The following USP43 variants were observed in gnomAD, a reference collection of about 807,000 sequenced individuals.
USP43 encodes the protein ubiquitin specific peptidase 43.
Under a neutral mutation model 90.7 loss-of-function variants are expected in USP43, and 33 were observed. The observed-to-expected ratio is 0.36, with a 90% CI of 0.28 to 0.49. The LOEUF is 0.49. Among genes scored for constraint, USP43 ranks in the 20% least tolerant of loss-of-function variants. The pLI is 0.98. For missense variants in USP43, 1,274 were observed against 1,476.4 expected (o/e 0.86, Z 2.25); for synonymous variants, 598 against 615.8 (o/e 0.97, Z 0.43).
At chr17:9,653,202 AC>A (rs377611921) in intron 1 of USP43, among the ~76,000 whole-genome samples, 30 of 152,348 alleles carry the variant, frequency 2.0e-4, no homozygotes, top group African/African-American at 7.2e-4. Context: ...GTTGTCAGGT[AC>A]TATAGCCAGG....
Position 9,701,826 on chromosome 17 carries a change from G to A in USP43, c.2011+126G>A, listed in dbSNP as rs191138903. ...ATTGAGATCCGACCCCTCACCCACC[G>A]CACACCAGGAAGATGAGGATGAGGA... On this transcript the variant is annotated intron_variant, in intron 12 of 14. Coordinates refer to ENST00000285199, the MANE Select transcript of USP43 (RefSeq NM_153210.5). The surrounding 1 kb of genome is among the most constrained non-coding windows in gnomAD (Gnocchi z 7.2). The A allele has an allele frequency of 7.3e-5, 57 of 781,108 alleles. No individual in the cohort carries two copies. The East Asian group carries it at 1.2e-3, about 16-fold the overall frequency. The allele number at this position is 781,108 out of a possible 1,614,324, so 48.4% of individuals were successfully genotyped here.
chr17:9,728,263 C>T lies in USP43; in HGVS notation c.2645C>T (p.Ala882Val), dbSNP rs536235405. The part of the protein sequence containing the change: ...LPANSEDGGR[A>V]IERGPAGVPC... Reference sequence around the variant, plus strand: ...GCTAACAGCGAAGATGGTGGGCGGGCCATTGAAAGAGGTCCAGCCGGGGTG... The same window carrying T: ...GCTAACAGCGAAGATGGTGGGCGGGTCATTGAAAGAGGTCCAGCCGGGGTG... The change falls in exon 15 of 15, where the codon GCC (alanine) becomes GTC (valine). Residue 882 changes from alanine (A) to valine (V), a missense_variant. Ala to Val is a moderately conservative substitution (Grantham distance 64). Transcript: ENST00000285199. The surrounding 1 kb of genome is among the most constrained non-coding windows in gnomAD (Gnocchi z 6.2). 1 of 1,613,578 alleles carries T rather than the reference C, an allele frequency of 6.2e-7. No individual in the cohort carries two copies. Among genetic ancestry groups the T allele is most frequent in the East Asian group, 2.2e-5 (1 of 44,850 alleles).
chr17:9,715,146 C>A (rs2151996958), intron 14 of USP43, among the ~76,000 whole-genome samples: 1 of 152,318 alleles, frequency 6.6e-6, no homozygotes, highest in East Asian at 1.9e-4. Context: ...GTGCTGGGAA[C>A]AAGGGGGTAA....
At chr17:9,722,050 A>G (rs1916989426) in intron 14 of USP43, among the ~76,000 whole-genome samples, 1 of 152,070 alleles carries the variant, frequency 6.6e-6, no homozygotes, top group Admixed American at 6.6e-5. Context: ...TGTACCTTTA[A>G]TCAAGTAATC....
chr17:9,726,016 T>G (rs1414168915), intron 14 of USP43, among the ~76,000 whole-genome samples: 1 of 152,102 alleles, frequency 6.6e-6, no homozygotes, highest in Non-Finnish European at 1.5e-5. Flanking sequence ...TGGGTAAAAT[T>G]GTGTCTATGA....
chr17:9,680,866 A>G (rs896399259), intron 6 of USP43, among the ~76,000 whole-genome samples: 5 of 151,424 alleles, frequency 3.3e-5, no homozygotes, highest in African/African-American at 1.2e-4. Context: ...TTAACAAAAT[A>G]GTTCCACTTC....
At chr17:9,692,328 C>T (rs1915008016) in intron 8 of USP43, among the ~76,000 whole-genome samples, 1 of 152,124 alleles carries the variant, frequency 6.6e-6, no homozygotes, top group African/African-American at 2.4e-5. Flanking sequence ...CACTGCACTC[C>T]AGCCTGGGCG....
Position 9,681,476 on chromosome 17 carries a change from A to T in USP43, c.1105+1110A>T, listed in dbSNP as rs1444511264. Among the ~76,000 whole-genome samples the T allele has an allele frequency of 6.4e-3, 132 of 20,720 alleles. 7 individuals carry two copies. In the East Asian group the frequency reaches 0.27, roughly 42 times the overall value. The allele number at this position is 20,720 out of a possible 152,430, so 13.6% of individuals were successfully genotyped here. On this transcript the variant is annotated intron_variant, in intron 6 of 14. Transcript: ENST00000285199. ...TATAAAATATATTATATATATATAT[A>T]TATATATATATATATATATATATAT...
At chr17:9,716,724 A>G (rs1257392987) in intron 14 of USP43, among the ~76,000 whole-genome samples, 4 of 152,184 alleles carry the variant, frequency 2.6e-5, no homozygotes, top group Admixed American at 2.0e-4. Flanking sequence ...CTGAGTTGTT[A>G]CAGATTTATG....
intron 14 of USP43, among the ~76,000 whole-genome samples, chr17:9,723,523 TTCCCCTCCCCTCCCCTCCCC>T (rs558374313): frequency 0.045 from 3,307 of 74,070 alleles, 225 homozygotes; most frequent in East Asian, 0.26. Context: ...TTCCTTTCCC[TTCCCCTCCCCTCCCCTCCCC>T]TCCCCTCCCC....
chr17:9,662,312 G>T (rs1256906035), intron 2 of USP43, among the ~76,000 whole-genome samples: 2 of 152,166 alleles, frequency 1.3e-5, no homozygotes, highest in African/African-American at 2.4e-5. Flanking sequence ...GGTCCGCTAT[G>T]CATCCAAGTT....
rs200100773 is a variant in USP43 at position 9,701,672 on chromosome 17, T to C, written c.1983T>C (p.His661=). The change falls in exon 12 of 15, where the codon CAT becomes CAC. Residue 661 remains histidine (H), a synonymous_variant. Transcript: ENST00000285199. The surrounding 1 kb of genome is among the most constrained non-coding windows in gnomAD (Gnocchi z 7.2). The part of the protein sequence containing the change: ...LYDLYAVCNH[H]GNLQGGHYTA... ...ACCTGTATGCCGTCTGCAACCACCA[T>C]GGCAACCTGCAAGGTGGGCATTACA... 1,618 of 1,576,458 alleles carry C rather than the reference T, an allele frequency of 1.0e-3. 2 individuals are homozygous for C. The highest frequency in any genetic ancestry group is 1.1e-3 in the Non-Finnish European group (1,276 of 1,160,688).
chr17:9,646,403 C>CATTTGTTGA (rs1296588643), intron 1 of USP43, among the ~76,000 whole-genome samples: 2 of 152,134 alleles, frequency 1.3e-5, no homozygotes, highest in African/African-American at 4.8e-5. Context: ...ATTCAACAAG[C>CATTTGTTGA]ATTTGTTGAA....
chr17:9,693,346 A>C (rs1597860174), intron 9 of USP43, 116 bp downstream of exon 9: 92 of 854,740 alleles, frequency 1.1e-4, no homozygotes, highest in South Asian at 3.2e-5. Flanking sequence ...TTGATCACTT[A>C]CCTCTCCAGT....
In USP43 at chr17:9,701,094, C is replaced by T. The variant is rs1469992405; in HGVS notation, c.1536-25C>T. 4.1e-6 allele frequency: 6 copies of T among 1,448,186 alleles called. No individual in the cohort carries two copies. Among genetic ancestry groups the T allele is most frequent in the Admixed American group, 2.8e-5 (1 of 35,170 alleles). 89.7% of individuals were successfully genotyped at this position (1,448,186 alleles called of 1,614,324 possible). A position where few individuals can be genotyped will look rare whatever the true frequency, so the allele number is the denominator to read the frequency against. ...TGTCTGGGAGCAGGAAAGTCCTGAA[C>T]GCCGTGGGTGTCCTCTCCGTGCAGC... On this transcript the variant is annotated intron_variant, in intron 10 of 14. Coordinates refer to ENST00000285199, the MANE Select transcript of USP43 (RefSeq NM_153210.5). This position sits in a 1 kb window ranked among gnomAD's most constrained non-coding sequence, Gnocchi z 7.2.
chr17:9,719,041 TCACTTGAACC>T (rs1162222661), intron 14 of USP43, among the ~76,000 whole-genome samples: 1 of 152,078 alleles, frequency 6.6e-6, no homozygotes, highest in African/African-American at 2.4e-5. Flanking sequence ...GGCAGGAGAA[TCACTTGAACC>T]CAGTAGGTGG....
chr17:9,724,488 T>C lies in USP43; in HGVS notation c.2336-3466T>C, dbSNP rs554782657. Among the ~76,000 whole-genome samples, 70 of 152,236 alleles carry C rather than the reference T, an allele frequency of 4.6e-4. No individual in the cohort carries two copies. The South Asian group carries it at 0.014, about 30-fold the overall frequency. ...TGAGGTCAGGAGTTCAAGACCAGTC[T>C]GGCCAACGTGGTGAAACCCAGTCTC... On this transcript the variant is annotated intron_variant, in intron 14 of 14. Coordinates refer to ENST00000285199, the MANE Select transcript of USP43 (RefSeq NM_153210.5).
intron 12 of USP43, among the ~76,000 whole-genome samples, chr17:9,705,501 T>G (rs1410156316): frequency 6.6e-6 from 1 of 152,180 alleles, no homozygotes; most frequent in Non-Finnish European, 1.5e-5. Context: ...ACGCCTGTAA[T>G]CCCAGCACTT....
At chr17:9,716,290 A>G (rs897216525) in intron 14 of USP43, among the ~76,000 whole-genome samples, 1 of 152,146 alleles carries the variant, frequency 6.6e-6, no homozygotes, top group Non-Finnish European at 1.5e-5. Context: ...ATTGCATACA[A>G]TTATATATAT....
Sources: allele counts gnomAD v4.1 joint callset (sites outside exome capture counted in the v4.1 genomes callset), GRCh38; gene constraint gnomAD v4.1.1; non-coding constraint Gnocchi (gnomAD v3.1); transcripts MANE v1.5; gene names NCBI Gene and HGNC (gene_info 2026-07-23, HGNC 2026-07-21).